Variants in USP9X observed in about 807,000 individuals in gnomAD.
USP9X encodes the protein ubiquitin specific peptidase 9 X-linked, also known as ubiquitin carboxyl-terminal hydrolase 9X.
A neutral mutation model predicts 190.3 loss-of-function variants in USP9X; 7 were observed. The ratio of observed to expected loss-of-function variants is 0.04; its 90% confidence interval spans 0.02 to 0.07. The LOEUF is 0.07. Among genes scored for constraint, USP9X ranks in the 10% least tolerant of loss-of-function variants. USP9X has a pLI of 1.00. For missense variants in USP9X, 1,010 were observed against 1,916.9 expected, an observed-to-expected ratio of 0.53 and a Z score of 8.83; for synonymous variants, 645 against 659.5, an observed-to-expected ratio of 0.98 and a Z score of 0.34.
rs1175169356 is a variant in USP9X at position 41,230,570 on chromosome X, C to T, written c.7501C>T (p.His2501Tyr). The T allele has an allele frequency of 5.0e-6, 6 of 1,210,680 alleles. No homozygotes were observed. The highest frequency in any genetic ancestry group is 5.6e-6 in the Non-Finnish European group (5 of 894,763). Reference protein sequence around the residue: ...PPPEDAPLYPHSPGSQYQQNN... With the variant: ...PPPEDAPLYPYSPGSQYQQNN... Reference sequence around the variant, plus strand: ...ACCTGAAGATGCCCCATTGTACCCCCATTCACCTGGATCTCAGTATCAACA... The same window carrying T: ...ACCTGAAGATGCCCCATTGTACCCCTATTCACCTGGATCTCAGTATCAACA... Residue 2501 changes from histidine (H) to tyrosine (Y), a missense_variant, in exon 44 of 45, where the codon CAT becomes TAT. His to Tyr is a moderately conservative substitution (Grantham distance 83). Transcript: ENST00000378308.
Position 41,225,650 on chromosome X carries a change from T to G in USP9X, c.7061+513T>G, listed in dbSNP as rs2063306033. The stretch of plus-strand genomic sequence containing the variant: ...ATTACTCCTAGGAGGAAATACAGAA[T>G]TAGGTTTCTATAAGCCTCTGTTTAC... On this transcript the variant is annotated intron_variant, in intron 41 of 44. Transcript: ENST00000378308. 3.6e-5 allele frequency among the ~76,000 whole-genome samples: 4 copies of G among 112,458 alleles called. No homozygotes were observed. In the Admixed American group the frequency reaches 3.8e-4, roughly 11 times the overall value.
intron 14 of USP9X, among the ~76,000 whole-genome samples, chrX:41,161,627 C>T (rs1247279633): frequency 2.6e-4 from 15 of 57,483 alleles, no homozygotes; most frequent in Non-Finnish European, 3.9e-4. Flanking sequence ...TGAGCCATGG[C>T]GCCCTGCCTT....
At chrX:41,093,193 C>G (rs1390510188) in intron 1 of USP9X, among the ~76,000 whole-genome samples, 1 of 111,716 alleles carries the variant, frequency 9.0e-6, no homozygotes, top group Non-Finnish European at 1.9e-5. Context: ...TATATGTTAA[C>G]AACTCTGAAC....
intron 1 of USP9X, among the ~76,000 whole-genome samples, chrX:41,110,116 A>C (rs2062097872): frequency 9.0e-6 from 1 of 110,993 alleles, no homozygotes; most frequent in South Asian, 3.8e-4. Context: ...CCCCTCCCCC[A>C]GAGAAGGGGC....
chrX:41,107,405 G>A (rs1395493064), intron 1 of USP9X, among the ~76,000 whole-genome samples: 1 of 112,235 alleles, frequency 8.9e-6, no homozygotes, highest in Non-Finnish European at 1.9e-5. Flanking sequence ...TCAGCTGTTG[G>A]TCTTACTGAT....
At chrX:41,214,766 T>C in intron 34 of USP9X, 57 bp downstream of exon 34, 1 of 1,097,969 alleles carries the variant, frequency 9.1e-7, no homozygotes, top group Non-Finnish European at 1.2e-6. Context: ...TTAGAAGAAA[T>C]TGGTTTTTTT....
At chrX:41,167,628 A>G (rs2062689013) in intron 17 of USP9X, 51 bp downstream of exon 17, 3 of 934,668 alleles carry the variant, frequency 3.2e-6, no homozygotes, top group African/African-American at 2.0e-5. Context: ...TTCGGCCCCC[A>G]TTTCTCTTAT....
chrX:41,159,873 AGGGAGAG>A (rs1408460064), intron 14 of USP9X, among the ~76,000 whole-genome samples: 2 of 111,285 alleles, frequency 1.8e-5, no homozygotes, highest in African/African-American at 6.5e-5. Flanking sequence ...GGGAGAACAA[AGGGAGAG>A]GGTGGTTTGT....
At chrX:41,216,863 T>G (rs2063216696) in intron 35 of USP9X, among the ~76,000 whole-genome samples, 1 of 110,543 alleles carries the variant, frequency 9.0e-6, no homozygotes, top group Admixed American at 9.7e-5. Flanking sequence ...ACCAACATGG[T>G]GAAACCCCAT....
intron 16 of USP9X, among the ~76,000 whole-genome samples, 155 bp downstream of exon 16, chrX:41,166,369 T>C (rs1169789141): frequency 8.9e-6 from 1 of 112,025 alleles, no homozygotes; most frequent in Non-Finnish European, 1.9e-5. Context: ...TTATGTCACC[T>C]GTCAGTGGGC....
chrX:41,169,023 G>A lies in USP9X; in HGVS notation c.2636+805G>A, dbSNP rs754829819. Among the ~76,000 whole-genome samples, 10 of 111,459 alleles carry A rather than the reference G, an allele frequency of 9.0e-5. No homozygotes were observed. The South Asian group carries it at 1.1e-3, about 13-fold the overall frequency. On this transcript the variant is annotated intron_variant, in intron 18 of 44. Coordinates refer to ENST00000378308, the MANE Select transcript of USP9X (RefSeq NM_001039591.3). ...TAAATAGCATTTTGGAGTGAATTTT[G>A]ATATGAAGGCTTTTTTCCAGAAAAA...
chrX:41,194,741 A>G (rs2062967423), intron 26 of USP9X, among the ~76,000 whole-genome samples: 1 of 111,131 alleles, frequency 9.0e-6, no homozygotes, highest in Non-Finnish European at 1.9e-5. Context: ...GGCATCAAGA[A>G]AGCCCCTACC....
chrX:41,225,141 G>C lies in USP9X; in HGVS notation c.7061+4G>C, dbSNP rs745636201. The C allele has an allele frequency of 1.7e-6, 2 of 1,208,098 alleles. No homozygotes were observed. Among genetic ancestry groups the C allele is most frequent in the East Asian group, 3.0e-5 (1 of 33,838 alleles). Reference sequence around the variant, plus strand: ...AGGACTCCTGGCAAACTCACAGGTGGATACTCTTTTTGTGACTGGAAACAA... The same window carrying C: ...AGGACTCCTGGCAAACTCACAGGTGCATACTCTTTTTGTGACTGGAAACAA... On this transcript the variant is annotated splice_donor_region_variant and intron_variant, in intron 41 of 44. Transcript: ENST00000378308.
intron 31 of USP9X, 147 bp downstream of exon 31, chrX:41,201,427 A>G (rs2063040946): frequency 1.8e-6 from 1 of 556,774 alleles, no homozygotes; most frequent in Admixed American, 3.5e-5. Context: ...CTGTGGTCTC[A>G]GCTACTCAGG....
intron 11 of USP9X, among the ~76,000 whole-genome samples, chrX:41,147,818 TCAG>T: frequency 8.9e-6 from 1 of 112,201 alleles, no homozygotes. Context: ...TAAACACTGA[TCAG>T]CAACTTAGTG....
intron 1 of USP9X, among the ~76,000 whole-genome samples, chrX:41,106,887 CT>C (rs60809399): frequency 1.6e-3 from 128 of 79,979 alleles, no homozygotes; most frequent in Admixed American, 3.3e-3. Flanking sequence ...CTTTTCTTTT[CT>C]TTTTTTTTTT....
intron 1 of USP9X, among the ~76,000 whole-genome samples, chrX:41,101,330 A>G (rs993665756): frequency 2.7e-5 from 3 of 109,845 alleles, no homozygotes; most frequent in African/African-American, 1.0e-4. Flanking sequence ...CTGTAATTTC[A>G]GCACTTTGGG....
intron 2 of USP9X, among the ~76,000 whole-genome samples, chrX:41,124,863 T>A (rs1473853123): frequency 8.9e-6 from 1 of 112,011 alleles, no homozygotes; most frequent in East Asian, 2.8e-4. Context: ...TGTAACTACT[T>A]CATGGACTGT....
At chrX:41,152,830 A>T (rs12836716) in intron 13 of USP9X, 118 bp from the exon 14 acceptor site, 3 of 737,266 alleles carry the variant, frequency 4.1e-6, no homozygotes, top group Non-Finnish European at 5.6e-6. Context: ...AAGTAAATGT[A>T]CAAAAGTATA....
Sources: gnomAD v4.1 joint callset for allele counts (sites outside exome capture counted in the v4.1 genomes callset) on GRCh38, gnomAD v4.1.1 for gene constraint, MANE v1.5 for transcripts, NCBI Gene and HGNC (gene_info 2026-07-23, HGNC 2026-07-21) for gene names.